Variants in CTTNBP2NL observed in about 807,000 individuals in gnomAD.
CTTNBP2NL encodes the protein CTTNBP2 N-terminal like.
Under a neutral mutation model 32.5 loss-of-function variants are expected in CTTNBP2NL, and 16 were observed. The ratio of observed to expected loss-of-function variants is 0.49; its 90% CI spans 0.33 to 0.75. The LOEUF is 0.75. CTTNBP2NL is among the 30% of genes least tolerant of loss of function. CTTNBP2NL has a pLI of 0.02. For missense variants in CTTNBP2NL, 645 were observed against 756.0 expected, an observed-to-expected ratio of 0.85 and a Z score of 1.72; for synonymous variants, 298 against 289.4, an observed-to-expected ratio of 1.03 and a Z score of -0.30.
At chr1:112,442,683 T>C (rs1474660581) in intron 3 of CTTNBP2NL, among the ~76,000 whole-genome samples, 1 of 152,100 alleles carries the variant, frequency 6.6e-6, no homozygotes, top group East Asian at 1.9e-4. Context: ...CATTATTCTG[T>C]TACTCATATT....
chr1:112,391,188 C>G, the CTTNBP2NL span, among the ~76,000 whole-genome samples: 2 of 152,222 alleles, frequency 1.3e-5, no homozygotes, highest in African/African-American at 4.8e-5. Context: ...GTGGAGGGCA[C>G]ACCTTGCCTT....
intron 3 of CTTNBP2NL, among the ~76,000 whole-genome samples, chr1:112,426,280 A>G (rs1649394115): frequency 6.6e-6 from 1 of 152,180 alleles, no homozygotes; most frequent in South Asian, 2.1e-4. Context: ...ATTGTGTGAA[A>G]GAGAGCTTCA....
intron 4 of CTTNBP2NL, among the ~76,000 whole-genome samples, chr1:112,452,335 C>CTTTTTTTTTTTTTTTTTTT (rs1157736195): frequency 1.5e-5 from 1 of 65,688 alleles, no homozygotes; most frequent in African/African-American, 6.1e-5. Context: ...CCAGTCTCTT[C>CTTTTTTTTTTTTTTTTTTT]TTTTTTTTTT....
chr1:112,411,758 C>G (rs1439198555), intron 1 of CTTNBP2NL, among the ~76,000 whole-genome samples: 2 of 151,508 alleles, frequency 1.3e-5, no homozygotes, highest in Admixed American at 6.6e-5. Flanking sequence ...TCTCGGCTCA[C>G]TACAAGCTCC....
chr1:112,402,426 A>AT (rs1400161097), intron 1 of CTTNBP2NL, among the ~76,000 whole-genome samples: 5 of 152,220 alleles, frequency 3.3e-5, no homozygotes, highest in Non-Finnish European at 7.3e-5. Context: ...CTCAAAAAAA[A>AT]GAAAAGTGAG....
Position 112,457,201 on chromosome 1 carries a change from C to T in CTTNBP2NL, c.1709C>T (p.Thr570Ile). The T allele has an allele frequency of 6.2e-7, 1 of 1,614,198 alleles. No homozygotes were observed. The highest frequency in any genetic ancestry group is 8.5e-7 in the Non-Finnish European group (1 of 1,180,042). Residue 570 changes from threonine (T) to isoleucine (I), a missense_variant, in exon 6 of 6, where the codon ACC becomes ATC. By Grantham distance (89) the Thr-to-Ile change is moderately conservative. Transcript: ENST00000271277. The stretch of plus-strand genomic sequence containing the variant: ...CTGTCTCCAGGAATCAAGTCCCCAA[C>T]CATCCCCAGAGCTGAGAGAGGAAAC... ...SPLSPGIKSP[T>I]IPRAERGNPP...
intron 3 of CTTNBP2NL, among the ~76,000 whole-genome samples, chr1:112,434,483 C>T (rs1457678914): frequency 2.6e-5 from 4 of 152,142 alleles, no homozygotes; most frequent in Admixed American, 2.0e-4. Flanking sequence ...TTCTCTCCCT[C>T]TTATATTTTG....
intron 3 of CTTNBP2NL, among the ~76,000 whole-genome samples, chr1:112,422,924 CTG>C (rs776065035): frequency 6.6e-6 from 1 of 152,126 alleles, no homozygotes; most frequent in Non-Finnish European, 1.5e-5. Flanking sequence ...TCCCCAGTAG[CTG>C]GAACTACAGG....
chr1:112,434,249 G>T (rs1260806594), intron 3 of CTTNBP2NL, among the ~76,000 whole-genome samples: 1 of 152,094 alleles, frequency 6.6e-6, no homozygotes, highest in African/African-American at 2.4e-5. Context: ...ATATCCAAGT[G>T]CCTTTTTGAC....
chr1:112,403,708 A>G (rs1648573547), intron 1 of CTTNBP2NL, among the ~76,000 whole-genome samples: 1 of 152,232 alleles, frequency 6.6e-6, no homozygotes, highest in Non-Finnish European at 1.5e-5. Flanking sequence ...GTTTACCTGT[A>G]TGCTAAAGGC....
intron 3 of CTTNBP2NL, among the ~76,000 whole-genome samples, chr1:112,419,105 C>T (rs754507202): frequency 1.3e-5 from 2 of 152,084 alleles, no homozygotes; most frequent in Admixed American, 6.5e-5. Context: ...TCCATTGATG[C>T]CTCAATCATA....
intron 3 of CTTNBP2NL, among the ~76,000 whole-genome samples, chr1:112,424,989 T>C (rs978510573): frequency 6.6e-6 from 1 of 151,238 alleles, no homozygotes; most frequent in African/African-American, 2.4e-5. Context: ...CTAAATTTTT[T>C]TTTTTTTTTT....
chr1:112,407,840 C>CTTTTTTTTTTTTTTTTTTTTTTTTTTTTT (rs869134559), intron 1 of CTTNBP2NL, among the ~76,000 whole-genome samples: 1 of 96,070 alleles, frequency 1.0e-5, no homozygotes, highest in Non-Finnish European at 2.0e-5. Context: ...TTTTTTCTTT[C>CTTTTTTTTTTTTTTTTTTTTTTTTTTTTT]TTTTTTTTTT....
At chr1:112,433,278 G>A (rs955165523) in intron 3 of CTTNBP2NL, among the ~76,000 whole-genome samples, 4 of 152,026 alleles carry the variant, frequency 2.6e-5, no homozygotes, top group Admixed American at 6.6e-5. Context: ...GTGTATGTGC[G>A]TGCATGCGTG....
chr1:112,393,877 G>A (rs1341817751), upstream of CTTNBP2NL, among the ~76,000 whole-genome samples: 1 of 152,122 alleles, frequency 6.6e-6, no homozygotes, highest in Non-Finnish European at 1.5e-5. Flanking sequence ...AGAATGGGTG[G>A]TGGTGGGTTA....
At chr1:112,399,940 T>G (rs1648444608) in intron 1 of CTTNBP2NL, among the ~76,000 whole-genome samples, 2 of 151,682 alleles carry the variant, frequency 1.3e-5, no homozygotes, top group South Asian at 4.2e-4. Flanking sequence ...ATGGTGATGG[T>G]CACCTGTAAT....
intron 1 of CTTNBP2NL, among the ~76,000 whole-genome samples, chr1:112,411,487 G>A (rs1282345586): frequency 6.6e-6 from 1 of 152,122 alleles, no homozygotes; most frequent in African/African-American, 2.4e-5. Flanking sequence ...CACAGTGTAT[G>A]ATAATGTATC....
At chr1:112,448,300 C>T (rs996451328) in intron 3 of CTTNBP2NL, among the ~76,000 whole-genome samples, 3 of 152,164 alleles carry the variant, frequency 2.0e-5, no homozygotes, top group Admixed American at 6.5e-5. Context: ...CTCCTTGACC[C>T]ATCAACAACT....
chr1:112,399,243 C>A (rs1358595547), intron 1 of CTTNBP2NL, among the ~76,000 whole-genome samples: 2 of 146,672 alleles, frequency 1.4e-5, no homozygotes, highest in Non-Finnish European at 3.0e-5. Flanking sequence ...TGCTTGAACC[C>A]AGGAGGCAGA....
Sources: allele counts gnomAD v4.1 joint callset (sites outside exome capture counted in the v4.1 genomes callset), GRCh38; gene constraint gnomAD v4.1.1; transcripts MANE v1.5; gene names NCBI Gene and HGNC (gene_info 2026-07-23, HGNC 2026-07-21).